NDUFS4: variants seen among roughly 807,000 people sequenced by gnomAD.
NDUFS4 encodes NADH dehydrogenase [ubiquinone] iron-sulfur protein 4, mitochondrial.
A neutral mutation model predicts 24.3 loss-of-function variants in NDUFS4; 28 were observed. The observed-to-expected ratio is 1.15, with a 90% confidence interval of 0.85 to 1.58. The LOEUF (loss-of-function observed/expected upper bound fraction) is 1.58, where lower values mean the gene tolerates loss of function less well. Among genes scored for constraint, NDUFS4 ranks in the 40% most tolerant of loss-of-function variants. NDUFS4 has a pLI of 0.00. For synonymous variants in NDUFS4, 93 were observed against 69.7 expected, an observed-to-expected ratio of 1.34 and a Z score of -1.67; for missense variants, 223 against 207.9, an observed-to-expected ratio of 1.07 and a Z score of -0.45.
intron 2 of NDUFS4, among the ~76,000 whole-genome samples, chr5:53,610,901 C>G (rs1360780653): frequency 6.6e-6 from 1 of 152,076 alleles, no homozygotes; most frequent in African/African-American, 2.4e-5. Context: ...CATCGCAGTT[C>G]TAGTAAGGCA....
intron 1 of NDUFS4, among the ~76,000 whole-genome samples, chr5:53,570,768 C>T (rs1465009899): frequency 6.7e-6 from 1 of 149,458 alleles, no homozygotes; most frequent in Non-Finnish European, 1.5e-5. Context: ...ACTGCAAGCT[C>T]CGCCTCCCAG....
In NDUFS4 at chr5:53,638,668, A is replaced by G. The variant is rs73754273; in HGVS notation, c.178-7565A>G. Reference sequence around the variant, plus strand: ...CCCATGATATGAGTTTACCTATATAACAAACTTGCACTTGTATCCCTGAAT... The same window carrying G: ...CCCATGATATGAGTTTACCTATATAGCAAACTTGCACTTGTATCCCTGAAT... On this transcript the variant is annotated intron_variant, in intron 2 of 4. Coordinates refer to ENST00000296684, the MANE Select transcript of NDUFS4 (RefSeq NM_002495.4). Among the ~76,000 whole-genome samples, 1,109 of 152,236 alleles carry G rather than the reference A, an allele frequency of 7.3e-3. 13 individuals are homozygous for G. Among genetic ancestry groups the G allele is most frequent in the African/African-American group, 0.025 (1,058 of 41,562 alleles).
chr5:53,598,257 C>T (rs1750191622), intron 1 of NDUFS4, among the ~76,000 whole-genome samples: 1 of 152,018 alleles, frequency 6.6e-6, no homozygotes, highest in Admixed American at 6.5e-5. Flanking sequence ...GGGTATTTAC[C>T]CAAACAAGTG....
chr5:53,631,271 G>A (rs545824805), intron 2 of NDUFS4, among the ~76,000 whole-genome samples: 40 of 152,290 alleles, frequency 2.6e-4, no homozygotes, highest in African/African-American at 9.6e-4. Flanking sequence ...GTCCCATAGA[G>A]GCACCTGCCA....
intron 4 of NDUFS4, among the ~76,000 whole-genome samples, chr5:53,663,496 CTT>C (rs1191627244): frequency 6.6e-6 from 1 of 152,130 alleles, no homozygotes; most frequent in Non-Finnish European, 1.5e-5. Context: ...TCAGGACTTG[CTT>C]TATGAATCTG....
intron 3 of NDUFS4, among the ~76,000 whole-genome samples, chr5:53,650,858 C>T (rs941666267): frequency 6.6e-6 from 1 of 152,122 alleles, no homozygotes. Context: ...TATAGTATTG[C>T]TTAGTCTGGA....
chr5:53,677,399 A>C (rs559468767), intron 4 of NDUFS4, among the ~76,000 whole-genome samples: 39 of 152,090 alleles, frequency 2.6e-4, no homozygotes, highest in African/African-American at 9.4e-4. Context: ...CTTTATATAA[A>C]TTTCATGGAA....
chr5:53,626,811 A>T (rs1270464632), intron 2 of NDUFS4, among the ~76,000 whole-genome samples: 1 of 151,898 alleles, frequency 6.6e-6, no homozygotes, highest in African/African-American at 2.4e-5. Context: ...GATTGCAAGC[A>T]TTTTCTCCCA....
rs534149746 is a variant in NDUFS4 at position 53,571,266 on chromosome 5, A to G, written c.98+10506A>G. On this transcript the variant is annotated intron_variant, in intron 1 of 4. Coordinates refer to ENST00000296684, the MANE Select transcript of NDUFS4 (RefSeq NM_002495.4). Reference sequence around the variant, plus strand: ...GTTTCTACAGATTTGCCTATTCTGGACATTTTATACAAATGCAGTCATATA... The same window carrying G: ...GTTTCTACAGATTTGCCTATTCTGGGCATTTTATACAAATGCAGTCATATA... 3.4e-3 allele frequency among the ~76,000 whole-genome samples: 522 copies of G among 152,282 alleles called. 1 individual carries two copies. The highest frequency in any genetic ancestry group is 0.017 in the Middle Eastern group (5 of 294).
At chr5:53,677,922 A>G (rs967254301) in intron 4 of NDUFS4, among the ~76,000 whole-genome samples, 10 of 152,250 alleles carry the variant, frequency 6.6e-5, no homozygotes, top group South Asian at 2.1e-4. Flanking sequence ...CAGAACGTCA[A>G]TCAAGGTTAC....
chr5:53,630,567 T>C (rs1046870884), intron 2 of NDUFS4, among the ~76,000 whole-genome samples: 10 of 152,140 alleles, frequency 6.6e-5, no homozygotes, highest in Non-Finnish European at 1.5e-4. Flanking sequence ...TCTTGGAGGC[T>C]TTGTTCATTT....
Position 53,586,114 on chromosome 5 carries a change from A to G in NDUFS4, c.99-17338A>G, listed in dbSNP as rs189722447. On this transcript the variant is annotated intron_variant, in intron 1 of 4. Coordinates refer to ENST00000296684, the MANE Select transcript of NDUFS4 (RefSeq NM_002495.4). The stretch of plus-strand genomic sequence containing the variant: ...GAGGCCGAGGCAGGTGGATCACTTG[A>G]GGTCAGGAGTTCCAGACCAGCCTGA... Among the ~76,000 whole-genome samples the G allele has an allele frequency of 4.7e-3, 716 of 152,134 alleles. 5 individuals are homozygous for G. The highest frequency in any genetic ancestry group is 0.016 in the African/African-American group (680 of 41,512).
In NDUFS4 at chr5:53,655,063, G is replaced by GTATAGTAAAGTAT. The variant is rs1407862839; in HGVS notation, c.351-3488_351-3487insTATAGTAAAGTAT. Among the ~76,000 whole-genome samples, 381 of 152,296 alleles carry GTATAGTAAAGTAT rather than the reference G, an allele frequency of 2.5e-3. 1 individual carries two copies. The highest frequency in any genetic ancestry group is 8.0e-3 in the African/African-American group (333 of 41,554). On this transcript the variant is annotated intron_variant, in intron 3 of 4. Transcript: ENST00000296684. The stretch of plus-strand genomic sequence containing the variant: ...AGTGTCTAGTAAAGTATATGAAAAT[G>GTATAGTAAAGTAT]ATATTGGAGGAAAAATATCTAAAAT...
At chr5:53,682,480 C>A (rs1270909433) in intron 4 of NDUFS4, among the ~76,000 whole-genome samples, 1 of 151,716 alleles carries the variant, frequency 6.6e-6, no homozygotes, top group Non-Finnish European at 1.5e-5. Flanking sequence ...TAACAATTTG[C>A]GCTCTTTATC....
intron 4 of NDUFS4, among the ~76,000 whole-genome samples, chr5:53,660,081 G>T (rs1176778736): frequency 6.6e-6 from 1 of 151,652 alleles, no homozygotes; most frequent in Non-Finnish European, 1.5e-5. Context: ...GTATACATGT[G>T]CCATGTTGGT....
At chr5:53,566,758 C>T (rs1333817623) in intron 1 of NDUFS4, among the ~76,000 whole-genome samples, 1 of 151,914 alleles carries the variant, frequency 6.6e-6, no homozygotes, top group African/African-American at 2.4e-5. Context: ...CTGTAAATAA[C>T]TGTTATCCTG....
At chr5:53,604,702 T>C (rs975853829) in intron 2 of NDUFS4, 5 of 455,016 alleles carry the variant, frequency 1.1e-5, no homozygotes, top group African/African-American at 1.0e-4. Context: ...TTGCCTGATT[T>C]AGCTCCTGCC....
chr5:53,640,081 G>GT (rs201497966), intron 2 of NDUFS4, among the ~76,000 whole-genome samples: 163 of 148,276 alleles, frequency 1.1e-3, no homozygotes, highest in Admixed American at 5.8e-3. Context: ...TTTTCAGATA[G>GT]TTTTTTTTTT....
chr5:53,584,201 A>G (rs918015557), intron 1 of NDUFS4, among the ~76,000 whole-genome samples: 1 of 152,264 alleles, frequency 6.6e-6, no homozygotes, highest in Non-Finnish European at 1.5e-5. Flanking sequence ...GCCTTCTCGC[A>G]ATAAACTATA....
Sources: gnomAD v4.1 joint callset for allele counts (sites outside exome capture counted in the v4.1 genomes callset) on GRCh38, gnomAD v4.1.1 for gene constraint, MANE v1.5 for transcripts, NCBI Gene and HGNC (gene_info 2026-07-23, HGNC 2026-07-21) for gene names.